Variants in CNTN2 observed in about 807,000 individuals in gnomAD.
CNTN2 encodes the protein contactin 2.
CNTN2 carries 53 observed loss-of-function variants against 117.5 expected under a neutral mutation model. The ratio of observed to expected loss-of-function variants is 0.45; its 90% CI spans 0.36 to 0.57. The LOEUF (loss-of-function observed/expected upper bound fraction) is 0.57. CNTN2 is among the 20% of genes least tolerant of loss of function. CNTN2 has a pLI of 0.00. For synonymous variants in CNTN2, 530 were observed against 561.7 expected, an observed-to-expected ratio of 0.94 and a Z score of 0.80; for missense variants, 1,106 against 1,404.3, an observed-to-expected ratio of 0.79 and a Z score of 3.39.
At chr1:205,055,577 A>G (rs1364589755) in intron 2 of CNTN2, among the ~76,000 whole-genome samples, 1 of 152,148 alleles carries the variant, frequency 6.6e-6, no homozygotes, top group African/African-American at 2.4e-5. Flanking sequence ...TGGTCTCCTG[A>G]GCCTCACTCC....
At chr1:205,053,862 G>A (rs2096456869) in intron 2 of CNTN2, among the ~76,000 whole-genome samples, 1 of 152,152 alleles carries the variant, frequency 6.6e-6, no homozygotes, top group East Asian at 1.9e-4. Flanking sequence ...CATAGAACAG[G>A]ATCTGGGAAG....
intron 9 of CNTN2, 136 bp downstream of exon 9, chr1:205,062,137 C>A: frequency 8.8e-7 from 1 of 1,139,678 alleles, no homozygotes; most frequent in Non-Finnish European, 1.2e-6. Flanking sequence ...GGTCCTAGGA[C>A]CACCTAAGGA....
At chr1:205,072,993 G>A in intron 21 of CNTN2, 75 bp from the exon 22 acceptor site, 3 of 1,528,690 alleles carry the variant, frequency 2.0e-6, no homozygotes, top group African/African-American at 1.4e-5. Flanking sequence ...TCTCCTCCCA[G>A]TACCTAAAGC....
chr1:205,046,269 C>T (rs999232026), intron 1 of CNTN2, among the ~76,000 whole-genome samples: 1 of 152,198 alleles, frequency 6.6e-6, no homozygotes, highest in Admixed American at 6.5e-5. Flanking sequence ...TGAACACCTC[C>T]CATCCCAGGA....
At position 205,048,072 on chromosome 1, in the gene CNTN2, C is replaced by G. The variant is rs2096444801; in HGVS notation, c.-87+4678C>G. On this transcript the variant is annotated intron_variant, in intron 1 of 22. Coordinates refer to ENST00000331830, the MANE Select transcript of CNTN2 (RefSeq NM_005076.5). This position sits in a 1 kb window ranked among gnomAD's most constrained non-coding sequence, Gnocchi z 4.1. ...GGTCAAGCGGGGGCCTGAAGGGCTC[C>G]TCAAGTACTTTGTAGGCTGATAATA... 6.6e-6 allele frequency among the ~76,000 whole-genome samples: 1 copy of G among 152,172 alleles called. No homozygotes were observed. Among genetic ancestry groups the G allele is most frequent in the East Asian group, 1.9e-4 (1 of 5,198 alleles).
At chr1:205,045,272 G>A (rs1396116484) in intron 1 of CNTN2, among the ~76,000 whole-genome samples, 2 of 151,926 alleles carry the variant, frequency 1.3e-5, no homozygotes, top group African/African-American at 2.4e-5. Flanking sequence ...GTACTCCACC[G>A]GCTTCAGCCC....
At chr1:205,072,699 A>G (rs924064636) in intron 21 of CNTN2, 104 bp downstream of exon 21, 4 of 825,760 alleles carry the variant, frequency 4.8e-6, no homozygotes, top group African/African-American at 3.4e-5. Context: ...TCTGAGTGAG[A>G]CATAAGCAAA....
Position 205,069,829 on chromosome 1 carries a change from C to A in CNTN2, c.2199C>A (p.Pro733=). Residue 733 remains proline, a splice_region_variant and synonymous_variant, in exon 18 of 23, where the codon CCC becomes CCA. Coordinates refer to ENST00000331830, the MANE Select transcript of CNTN2 (RefSeq NM_005076.5). ...APGELIVNWT[P]MSREYQNGDG... ...CATGCCATGCTCTTGCCCCTCAGCCCATGTCACGGGAGTACCAGAACGGAG... is the reference window on the plus strand; with the variant it reads ...CATGCCATGCTCTTGCCCCTCAGCCAATGTCACGGGAGTACCAGAACGGAG... The A allele has an allele frequency of 6.2e-7, 1 of 1,612,916 alleles. No homozygotes were observed. The highest frequency in any genetic ancestry group is 1.1e-5 in the South Asian group (1 of 91,056).
intron 11 of CNTN2, 52 bp from the exon 12 acceptor site, chr1:205,064,571 C>T: frequency 6.2e-7 from 1 of 1,605,744 alleles, no homozygotes; most frequent in Non-Finnish European, 8.5e-7. Context: ...GTTGGCCAGC[C>T]CCAGGGACAA....
chr1:205,050,522 C>T (rs2096450802), intron 1 of CNTN2, among the ~76,000 whole-genome samples: 1 of 152,154 alleles, frequency 6.6e-6, no homozygotes, highest in South Asian at 2.1e-4. Context: ...ACTTTCAGTA[C>T]AGTATTCAAT....
In CNTN2 at chr1:205,059,867, A is replaced by G. The variant is rs748201653; in HGVS notation, c.797+185A>G. 1.7e-6 allele frequency: 1 copy of G among 594,246 alleles called. No individual in the cohort carries two copies. Among genetic ancestry groups the G allele is most frequent in the Non-Finnish European group, 3.0e-6 (1 of 331,322 alleles). The allele number at this position is 594,246 out of a possible 1,614,324, so 36.8% of individuals were successfully genotyped here. A position where few individuals can be genotyped will look rare whatever the true frequency, so the allele number is the denominator to read the frequency against. On this transcript the variant is annotated intron_variant, in intron 7 of 22. Coordinates refer to ENST00000331830, the MANE Select transcript of CNTN2 (RefSeq NM_005076.5). This position sits in a 1 kb window ranked among gnomAD's most constrained non-coding sequence, Gnocchi z 5.6. ...AGTACCTCTCTGGGTGAGGCATCGC[A>G]TATGCCAGGGGCCTTCCATGGCCAG...
rs78898977 is a variant in CNTN2 at position 205,067,333 on chromosome 1, A to G, written c.2125+83A>G. On this transcript the variant is annotated intron_variant, in intron 16 of 22. Transcript: ENST00000331830. ...TATAGGGAATGCCAAGCCAGCCGCA[A>G]TTATGCTGAGTTCCAACCCTGCTCA... 1,715 of 1,511,408 alleles carry G rather than the reference A, an allele frequency of 1.1e-3. 22 individuals are homozygous for G. The African/African-American group carries it at 0.022, about 19-fold the overall frequency. 93.6% of individuals were successfully genotyped at this position (1,511,408 alleles called of 1,614,324 possible).
In CNTN2 at chr1:205,064,326, C is replaced by T. The variant is rs1325980365; in HGVS notation, c.1245C>T (p.Leu415=). The T allele has an allele frequency of 3.8e-6, 6 of 1,568,198 alleles. No individual in the cohort carries two copies. Among genetic ancestry groups the T allele is most frequent in the East Asian group, 4.5e-5 (2 of 44,012 alleles). Residue 415 remains leucine (L), a synonymous_variant, in exon 11 of 23, where the codon CTC becomes CTT. Transcript: ENST00000331830. ...YASAELAVQA[L]APDFRLNPVR... ...GGCTCTCCCCTTTCCTTCTAGCACT[C>T]GCCCCTGACTTCAGGCTGAATCCCG...
At position 205,065,837 on chromosome 1, in the gene CNTN2, G is replaced by C. The variant is rs781274368; in HGVS notation, c.1744G>C (p.Gly582Arg). ...LTILNAQLRH[G>R]GKYTCMAQTV... is the part of the protein sequence containing the mutation. Reference sequence around the variant, plus strand: ...CATCCTGAACGCCCAGCTGCGCCATGGGGGGAAGTACACGTGCATGGCCCA... The same window carrying C: ...CATCCTGAACGCCCAGCTGCGCCATCGGGGGAAGTACACGTGCATGGCCCA... The change falls in exon 14 of 23, where the codon GGG becomes CGG. Residue 582 changes from glycine (G) to arginine (R), a missense_variant. Transcript: ENST00000331830. The surrounding 1 kb of genome is among the most constrained non-coding windows in gnomAD (Gnocchi z 4.1). 1.9e-6 allele frequency: 3 copies of C among 1,603,730 alleles called. No homozygotes were observed. The highest frequency in any genetic ancestry group is 2.6e-6 in the Non-Finnish European group (3 of 1,173,008).
In CNTN2 at chr1:205,053,275, C is replaced by T; in HGVS notation, c.70+20C>T. ...CTTCAGGTAAGAGGGCTCATCTGGG[C>T]TTTGAAGCCTAGCAGGCATGATTAT... On this transcript the variant is annotated intron_variant, in intron 2 of 22. Coordinates refer to ENST00000331830, the MANE Select transcript of CNTN2 (RefSeq NM_005076.5). The T allele has an allele frequency of 6.2e-7, 1 of 1,603,320 alleles. No homozygotes were observed. The highest frequency in any genetic ancestry group is 1.3e-5 in the African/African-American group (1 of 74,720).
Position 205,058,393 on chromosome 1 carries a change from G to C in CNTN2, c.391+37G>C, listed in dbSNP as rs753005690. On this transcript the variant is annotated intron_variant, in intron 4 of 22. Coordinates refer to ENST00000331830, the MANE Select transcript of CNTN2 (RefSeq NM_005076.5). The surrounding 1 kb of genome is among the most constrained non-coding windows in gnomAD (Gnocchi z 4.3). Reference sequence around the variant, plus strand: ...GGGGGACCAAGACACTTTGGGGGAGGGGGAGAGGGGGCTAGGAGAAATTAC... The same window carrying C: ...GGGGGACCAAGACACTTTGGGGGAGCGGGAGAGGGGGCTAGGAGAAATTAC... 1 of 1,533,276 alleles carries C rather than the reference G, an allele frequency of 6.5e-7. No homozygotes were observed. The highest frequency in any genetic ancestry group is 8.8e-7 in the Non-Finnish European group (1 of 1,136,988). 95.0% of individuals were successfully genotyped at this position (1,533,276 alleles called of 1,614,324 possible).
intron 2 of CNTN2, among the ~76,000 whole-genome samples, chr1:205,055,353 G>A (rs1224893384): frequency 6.6e-6 from 1 of 152,190 alleles, no homozygotes; most frequent in Non-Finnish European, 1.5e-5. Context: ...TCATGTGTGG[G>A]TGGGTGTGTA....
At chr1:205,055,305 T>C (rs2096459284) in intron 2 of CNTN2, among the ~76,000 whole-genome samples, 1 of 152,088 alleles carries the variant, frequency 6.6e-6, no homozygotes, top group Non-Finnish European at 1.5e-5. Context: ...GAGAGTGTGT[T>C]TTTGCATGTG....
Position 205,053,164 on chromosome 1 carries a change from C to T in CNTN2, c.-22C>T, listed in dbSNP as rs2096455830. On this transcript the variant is annotated 5_prime_UTR_variant, in exon 2 of 23. Transcript: ENST00000331830. ...GCTGAGGCTCTTCTCCTCCGATCCC[C>T]ACCTCTGCCCGGACATCCACCATGG... 1 of 1,607,028 alleles carries T rather than the reference C, an allele frequency of 6.2e-7. No homozygotes were observed. The highest frequency in any genetic ancestry group is 8.5e-7 in the Non-Finnish European group (1 of 1,176,060).
Sources: allele counts gnomAD v4.1 joint callset (sites outside exome capture counted in the v4.1 genomes callset), GRCh38; gene constraint gnomAD v4.1.1; non-coding constraint Gnocchi (gnomAD v3.1); transcripts MANE v1.5; gene names NCBI Gene and HGNC (gene_info 2026-07-23, HGNC 2026-07-21).